ATG2A: variants seen among roughly 807,000 people sequenced by gnomAD.
ATG2A encodes autophagy-related protein 2 homolog A.
Under a neutral mutation model 214.2 loss-of-function variants are expected in ATG2A, and 103 were observed. The observed-to-expected ratio is 0.48, with a 90% CI of 0.41 to 0.57. The LOEUF (loss-of-function observed/expected upper bound fraction) is 0.57, where lower values mean the gene tolerates loss of function less well. Ranked by LOEUF, ATG2A falls within the 20% of genes least tolerant of loss-of-function variation. ATG2A has a pLI of 0.00. For synonymous variants in ATG2A, 1,160 were observed against 1,142.1 expected (o/e 1.02, Z -0.32); for missense variants, 2,312 against 2,613.2 (o/e 0.88, Z 2.51).
intron 19 of ATG2A, 38 bp downstream of exon 19, chr11:64,907,217 C>G: frequency 1.4e-6 from 2 of 1,462,406 alleles, no homozygotes; most frequent in Non-Finnish European, 9.0e-7. Flanking sequence ...AATGGGAGCT[C>G]TGAAGTTTGG....
Position 64,905,829 on chromosome 11 carries a change from A to G in ATG2A, c.3284T>C (p.Val1095Ala). The G allele has an allele frequency of 6.2e-7, 1 of 1,613,544 alleles. No homozygotes were observed. Among genetic ancestry groups the G allele is most frequent in the South Asian group, 1.1e-5 (1 of 91,082 alleles). Reference sequence around the variant, plus strand: ...GTAGCCCAGCACAGGGTCATCCAGCACGTCTAGGAACTCCAACAACTTCAG... The same window carrying G: ...GTAGCCCAGCACAGGGTCATCCAGCGCGTCTAGGAACTCCAACAACTTCAG... Reference protein sequence around the residue: ...WHSQLLEFLDVLDDPVLGYLP... With the variant: ...WHSQLLEFLDALDDPVLGYLP... Residue 1095 changes from valine (V) to alanine (A), a missense_variant, in exon 23 of 41, where the codon GTG becomes GCG. Transcript: ENST00000377264.
At chr11:64,908,033 C>T (rs1032755945) in intron 16 of ATG2A, 143 bp from the exon 17 acceptor site, 12 of 995,444 alleles carry the variant, frequency 1.2e-5, no homozygotes, top group African/African-American at 4.9e-5. Flanking sequence ...GCATGATAGC[C>T]GTACAGATAC....
chr11:64,895,523 C>T lies in ATG2A; in HGVS notation c.5428-81G>A. On this transcript the variant is annotated intron_variant, in intron 39 of 40. Coordinates refer to ENST00000377264, the MANE Select transcript of ATG2A (RefSeq NM_015104.3). This position sits in a 1 kb window ranked among gnomAD's most constrained non-coding sequence, Gnocchi z 5.0. ...CAGGCCCCCAGGACAGTCTGAGACC[C>T]CACCAGCCCTCAGCCTCCCTGCCTG... 10 of 1,414,774 alleles carry T rather than the reference C, an allele frequency of 7.1e-6. No individual in the cohort carries two copies. In the South Asian group the frequency reaches 1.2e-4, roughly 17 times the overall value. The allele number at this position is 1,414,774 out of a possible 1,614,324, so 87.6% of individuals were successfully genotyped here.
In ATG2A at chr11:64,904,840, C is replaced by T. The variant is rs903385182; in HGVS notation, c.3464+723G>A. 9.1e-3 allele frequency among the ~76,000 whole-genome samples: 1,378 copies of T among 152,056 alleles called. 17 individuals are homozygous for T. The highest frequency in any genetic ancestry group is 0.031 in the African/African-American group (1,285 of 41,466). ...TTTATCTATCTATCTATCTATCTAT[C>T]TATCTATCTATCTATCTATCTATGT... On this transcript the variant is annotated intron_variant, in intron 24 of 40. Coordinates refer to ENST00000377264, the MANE Select transcript of ATG2A (RefSeq NM_015104.3).
At chr11:64,906,277 C>T in intron 21 of ATG2A, 57 bp downstream of exon 21, 1 of 1,607,410 alleles carries the variant, frequency 6.2e-7, no homozygotes. Context: ...GGTCCCACCG[C>T]ACACCGGGGC....
intron 21 of ATG2A, 50 bp from the exon 22 acceptor site, chr11:64,906,243 C>A (rs369336318): frequency 6.2e-7 from 1 of 1,606,148 alleles, no homozygotes; most frequent in Non-Finnish European, 8.5e-7. Flanking sequence ...CCCCACCGTG[C>A]ACTGGGGCCT....
chr11:64,901,702 A>G (rs1327481400), intron 29 of ATG2A, among the ~76,000 whole-genome samples: 3 of 151,808 alleles, frequency 2.0e-5, no homozygotes, highest in African/African-American at 7.3e-5. Context: ...CATCCCTTGA[A>G]TTTCCCAGTC....
rs970759633 is a variant in ATG2A at position 64,916,840 on chromosome 11, G to A, written c.171+125C>T. ...CGGGGTGCCTCTGACGCCTGGAGAGGGCAAGATTCCCCTGGCCTCTCTACG... is the reference window on the plus strand; with the variant it reads ...CGGGGTGCCTCTGACGCCTGGAGAGAGCAAGATTCCCCTGGCCTCTCTACG... On this transcript the variant is annotated intron_variant, in intron 1 of 40. Coordinates refer to ENST00000377264, the MANE Select transcript of ATG2A (RefSeq NM_015104.3). The A allele has an allele frequency of 5.8e-6, 8 of 1,370,132 alleles. No homozygotes were observed. The Admixed American group carries it at 8.7e-5, about 15-fold the overall frequency. 84.9% of individuals were successfully genotyped at this position (1,370,132 alleles called of 1,614,324 possible).
chr11:64,898,589 A>G lies in ATG2A; in HGVS notation c.4671+47T>C, dbSNP rs780317244. ...ATGCATGCGTGAAGATGTATCCCCA[A>G]CGGTCTGGTGCCCTGCCCCAGGGTG... On this transcript the variant is annotated intron_variant, in intron 32 of 40. Coordinates refer to ENST00000377264, the MANE Select transcript of ATG2A (RefSeq NM_015104.3). This position sits in a 1 kb window ranked among gnomAD's most constrained non-coding sequence, Gnocchi z 4.5. 2 of 1,593,506 alleles carry G rather than the reference A, an allele frequency of 1.3e-6. No individual in the cohort carries two copies. The highest frequency in any genetic ancestry group is 1.7e-6 in the Non-Finnish European group (2 of 1,162,264).
At chr11:64,896,946 C>T (rs1358813562) in intron 37 of ATG2A, 77 bp from the exon 38 acceptor site, 2 of 1,571,260 alleles carry the variant, frequency 1.3e-6, no homozygotes, top group African/African-American at 1.3e-5. Flanking sequence ...CAGGAGGACT[C>T]AGTACCCCTG....
chr11:64,910,210 GT>G lies in ATG2A; in HGVS notation c.1708-16del, dbSNP rs1944716059. On this transcript the variant is annotated splice_polypyrimidine_tract_variant and intron_variant, in intron 12 of 40. Transcript: ENST00000377264. ...CGGGGTCGGCTCTGAGGGCGAGGGC[GT>G]TCAGGTCAGTGAGGGCTGAGTGGTA... The G allele has an allele frequency of 6.3e-7, 1 of 1,580,178 alleles. No homozygotes were observed. Among genetic ancestry groups the G allele is most frequent in the African/African-American group, 1.4e-5 (1 of 74,062 alleles).
chr11:64,911,914 C>A lies in ATG2A; in HGVS notation c.1156G>T (p.Asp386Tyr), dbSNP rs779807434. 6.2e-7 allele frequency: 1 copy of A among 1,613,482 alleles called. No homozygotes were observed. The highest frequency in any genetic ancestry group is 2.2e-5 in the East Asian group (1 of 44,874). ...CGCACAGAGGAGGCCAGGTCTACAT[C>A]GGAGAGGGAGAGCTCAGAGAGGGCT... ...ASALSELSLS[D>Y]VDLASSVRSD... is the part of the protein sequence containing the mutation. The change falls in exon 9 of 41, where the codon GAT becomes TAT. Residue 386 changes from aspartate (D) to tyrosine (Y), a missense_variant. Coordinates refer to ENST00000377264, the MANE Select transcript of ATG2A (RefSeq NM_015104.3).
Position 64,917,152 on chromosome 11 carries a change from C to T in ATG2A, c.-17G>A, listed in dbSNP as rs1459310778. 3 of 1,581,818 alleles carry T rather than the reference C, an allele frequency of 1.9e-6. No individual in the cohort carries two copies. The African/African-American group carries it at 4.1e-5, about 22-fold the overall frequency. ...TCGTGACATCTCGGAGACCGCCGGGCCTGGGCCGCCTCCGCTTGCCGCCCG... is the reference window on the plus strand; with the variant it reads ...TCGTGACATCTCGGAGACCGCCGGGTCTGGGCCGCCTCCGCTTGCCGCCCG... On this transcript the variant is annotated 5_prime_UTR_variant, in exon 1 of 41. Transcript: ENST00000377264.
chr11:64,903,224 TGAAGACTCCCTTGGCCCCTGCACC>T lies in ATG2A; in HGVS notation c.3612+40_3612+63del. On this transcript the variant is annotated intron_variant, in intron 26 of 40. Coordinates refer to ENST00000377264, the MANE Select transcript of ATG2A (RefSeq NM_015104.3). This position sits in a 1 kb window ranked among gnomAD's most constrained non-coding sequence, Gnocchi z 4.2. Reference sequence around the variant, plus strand: ...AGGCACGTGAGGGAGCAGCAGCCCCTGAAGACTCCCTTGGCCCCTGCACCTGCTGTGGCTCCAGGAGCCAGAGTG... The same window carrying T: ...AGGCACGTGAGGGAGCAGCAGCCCCTTGCTGTGGCTCCAGGAGCCAGAGTG... 1 of 1,499,414 alleles carries T rather than the reference TGAAGACTCCCTTGGCCCCTGCACC, an allele frequency of 6.7e-7. No individual in the cohort carries two copies. Among genetic ancestry groups the T allele is most frequent in the African/African-American group, 1.4e-5 (1 of 72,578 alleles). The allele number at this position is 1,499,414 out of a possible 1,614,324, so 92.9% of individuals were successfully genotyped here. A position where few individuals can be genotyped will look rare whatever the true frequency, so the allele number is the denominator to read the frequency against.
At chr11:64,912,302 C>T (rs768217432) in intron 7 of ATG2A, 25 bp downstream of exon 7, 1 of 1,607,714 alleles carries the variant, frequency 6.2e-7, no homozygotes, top group Admixed American at 1.7e-5. Context: ...AGCCACCCCA[C>T]CCCCATGCCA....
At chr11:64,912,953 G>A in intron 6 of ATG2A, 85 bp downstream of exon 6, 1 of 991,430 alleles carries the variant, frequency 1.0e-6, no homozygotes, top group Non-Finnish European at 1.5e-6. Flanking sequence ...CATCCCCACT[G>A]TGGGCTGTAG....
rs759332220 is a variant in ATG2A at position 64,909,702 on chromosome 11, G to A, written c.2086C>T (p.Leu696Phe). Residue 696 changes from leucine (L) to phenylalanine (F), a missense_variant, in exon 14 of 41, where the codon CTC (leucine) becomes TTC (phenylalanine). Coordinates refer to ENST00000377264, the MANE Select transcript of ATG2A (RefSeq NM_015104.3). ...TCACCATGTAGGTCGGAGCAGGTGA[G>A]TTCCAGGTGGGTGGGGACTGGGGGA... is the stretch of plus-strand genomic sequence containing the variant. ...PGPPVPTHLELTCSDLHGIYE... is the reference protein window; with the variant it reads ...PGPPVPTHLEFTCSDLHGIYE... 3 of 1,613,174 alleles carry A rather than the reference G, an allele frequency of 1.9e-6. No individual in the cohort carries two copies.
chr11:64,896,655 C>G, intron 38 of ATG2A, 39 bp from the exon 39 acceptor site: 3 of 1,607,704 alleles, frequency 1.9e-6, no homozygotes, highest in Non-Finnish European at 2.6e-6. Flanking sequence ...CGAGGCTGCC[C>G]TGCCCCCACC....
intron 31 of ATG2A, among the ~76,000 whole-genome samples, chr11:64,900,025 A>ATTTT (rs35952373): frequency 2.7e-4 from 32 of 120,108 alleles, no homozygotes; most frequent in African/African-American, 9.3e-4. Flanking sequence ...CAAATGGTTA[A>ATTTT]TTTTTTTTTT....
Sources: allele counts gnomAD v4.1 joint callset (sites outside exome capture counted in the v4.1 genomes callset), GRCh38; gene constraint gnomAD v4.1.1; non-coding constraint Gnocchi (gnomAD v3.1); transcripts MANE v1.5; gene names NCBI Gene and HGNC (gene_info 2026-07-23, HGNC 2026-07-21).